FAAH2: variants seen among roughly 807,000 people sequenced by gnomAD.
The protein encoded by FAAH2 is fatty acid amide hydrolase 2, also known as fatty-acid amide hydrolase 2.
Under a neutral mutation model 36.9 loss-of-function variants are expected in FAAH2, and 60 were observed. The observed-to-expected ratio is 1.63, with a 90% CI of 1.32 to 2.02. The LOEUF (loss-of-function observed/expected upper bound fraction) is 2.02, where lower values mean the gene tolerates loss of function less well. Among genes scored for constraint, FAAH2 ranks in the 30% most tolerant of loss-of-function variants. The pLI, the probability that FAAH2 is intolerant of heterozygous loss-of-function variation, is 0.00. For synonymous variants in FAAH2, 214 were observed against 143.8 expected (o/e 1.49, Z -3.49); for missense variants, 689 against 397.5 (o/e 1.73, Z -6.23).
rs1490169199 is a variant in FAAH2, at chrX:57,437,693, A to T, written c.1116+5656A>T. Among the ~76,000 whole-genome samples the T allele has an allele frequency of 2.4e-4, 23 of 94,885 alleles. No homozygotes were observed. The South Asian group carries it at 4.3e-3, about 18-fold the overall frequency. 82.4% of individuals were successfully genotyped at this position (94,885 alleles called of 115,157 possible). ...ATAAGATGAAATATATATAATGTAT[A>T]TATTACATATAAATATATAACATAT... On this transcript the variant is annotated intron_variant, in intron 8 of 10. Coordinates refer to ENST00000374900, the MANE Select transcript of FAAH2 (RefSeq NM_174912.4).
chrX:57,448,081 C>T (rs182201492), intron 9 of FAAH2, among the ~76,000 whole-genome samples: 192 of 111,545 alleles, frequency 1.7e-3, no homozygotes, highest in Middle Eastern at 4.6e-3. Context: ...CATTGACCTC[C>T]TGGGCTAAAG....
chrX:57,201,720 G>A, the FAAH2 span, among the ~76,000 whole-genome samples: 1 of 110,648 alleles, frequency 9.0e-6, no homozygotes, highest in African/African-American at 3.3e-5. Flanking sequence ...TTATCCCTCT[G>A]AATAATCATT....
At chrX:57,226,820 A>T in the FAAH2 span, among the ~76,000 whole-genome samples, 1 of 111,595 alleles carries the variant, frequency 9.0e-6, no homozygotes, top group Non-Finnish European at 1.9e-5. Flanking sequence ...CATAATCCAA[A>T]ACTTCTTGGA....
chrX:57,197,983 G>A, the FAAH2 span, among the ~76,000 whole-genome samples: 1 of 111,980 alleles, frequency 8.9e-6, no homozygotes, highest in Non-Finnish European at 1.9e-5. Context: ...ATTAGTTGGT[G>A]TAATGGATTG....
At chrX:57,245,380 T>C in the FAAH2 span, among the ~76,000 whole-genome samples, 10 of 112,092 alleles carry the variant, frequency 8.9e-5, no homozygotes, top group South Asian at 2.6e-3. Flanking sequence ...CAAGCAGGCC[T>C]AATAGACATC....
chrX:57,295,653 C>T (rs749380475), intron 2 of FAAH2, among the ~76,000 whole-genome samples: 3 of 112,108 alleles, frequency 2.7e-5, no homozygotes, highest in South Asian at 7.5e-4. Context: ...AGCAGCAGGG[C>T]GAGGCATCAC....
the FAAH2 span, among the ~76,000 whole-genome samples, chrX:57,208,131 AAC>A: frequency 8.9e-6 from 1 of 112,597 alleles, no homozygotes; most frequent in South Asian, 3.7e-4. Context: ...GCACTATTCA[AAC>A]AGTCACTGGG....
the FAAH2 span, among the ~76,000 whole-genome samples, chrX:57,199,198 A>T: frequency 9.1e-6 from 1 of 110,091 alleles, no homozygotes; most frequent in Non-Finnish European, 1.9e-5. Context: ...TAGGTTGTTT[A>T]TCTAAAGTTT....
chrX:57,476,335 G>A (rs929753891), intron 10 of FAAH2, among the ~76,000 whole-genome samples: 1 of 110,699 alleles, frequency 9.0e-6, no homozygotes, highest in African/African-American at 3.3e-5. Flanking sequence ...CTATAAGTTT[G>A]TCATAAATAG....
chrX:57,306,002 T>C (rs1438022406), intron 2 of FAAH2, among the ~76,000 whole-genome samples: 1 of 112,104 alleles, frequency 8.9e-6, no homozygotes, highest in Non-Finnish European at 1.9e-5. Flanking sequence ...AAGCTTTCAG[T>C]AACTAGCAGT....
At chrX:57,153,079 T>C in the FAAH2 span, among the ~76,000 whole-genome samples, 9 of 112,284 alleles carry the variant, frequency 8.0e-5, no homozygotes, top group African/African-American at 2.6e-4. Context: ...AGGATTGTTA[T>C]ATTTCCCTGT....
chrX:57,377,641 C>A (rs1377348587), intron 5 of FAAH2, among the ~76,000 whole-genome samples: 1 of 111,726 alleles, frequency 9.0e-6, no homozygotes, highest in South Asian at 3.7e-4. Flanking sequence ...TCATTTTGTT[C>A]CACATGAAAT....
At chrX:57,345,344 T>C (rs1216516935) in intron 5 of FAAH2, among the ~76,000 whole-genome samples, 1 of 110,557 alleles carries the variant, frequency 9.0e-6, no homozygotes, top group Non-Finnish European at 1.9e-5. Context: ...AGATTTCTCT[T>C]TCTTCCTGGT....
intron 2 of FAAH2, among the ~76,000 whole-genome samples, chrX:57,302,095 T>C (rs749024954): frequency 1.8e-5 from 2 of 111,775 alleles, no homozygotes; most frequent in Non-Finnish European, 3.8e-5. Flanking sequence ...ATAGGTATAT[T>C]CTTCCCAATC....
chrX:57,233,884 G>C, the FAAH2 span, among the ~76,000 whole-genome samples: 1 of 112,586 alleles, frequency 8.9e-6, no homozygotes, highest in African/African-American at 3.2e-5. Flanking sequence ...GGCCTTAAGT[G>C]ATCCGCCCGC....
intron 5 of FAAH2, among the ~76,000 whole-genome samples, chrX:57,345,042 T>G (rs934164902): frequency 2.7e-5 from 3 of 110,655 alleles, no homozygotes; most frequent in Non-Finnish European, 3.8e-5. Flanking sequence ...TAGTCATGAC[T>G]TTTGTTGTTG....
At chrX:57,292,429 C>G (rs1176124757) in intron 1 of FAAH2, 69 bp from the exon 2 acceptor site, 2 of 988,700 alleles carry the variant, frequency 2.0e-6, no homozygotes, top group Non-Finnish European at 2.8e-6. Flanking sequence ...AGGAGTCTTT[C>G]AGGAAATACT....
chrX:57,305,961 G>A (rs1041997580), intron 2 of FAAH2, among the ~76,000 whole-genome samples: 5 of 112,019 alleles, frequency 4.5e-5, no homozygotes, highest in Admixed American at 3.8e-4. Context: ...GCTACAGGCC[G>A]TTTTGCCTTG....
At chrX:57,311,253 T>G (rs1192246390) in intron 3 of FAAH2, among the ~76,000 whole-genome samples, 2 of 111,953 alleles carry the variant, frequency 1.8e-5, no homozygotes, top group Non-Finnish European at 3.8e-5. Flanking sequence ...ATAACAAAAC[T>G]TATGGGATGT....
Sources: gnomAD v4.1 joint callset for allele counts (sites outside exome capture counted in the v4.1 genomes callset) on GRCh38, gnomAD v4.1.1 for gene constraint, MANE v1.5 for transcripts, NCBI Gene and HGNC (gene_info 2026-07-23, HGNC 2026-07-21) for gene names.